TNRC6A: variants seen among roughly 807,000 people sequenced by gnomAD.
The protein encoded by TNRC6A is trinucleotide repeat containing adaptor 6A, also known as trinucleotide repeat-containing gene 6A protein.
A neutral mutation model predicts 221.2 loss-of-function variants in TNRC6A; 44 were observed. The ratio of observed to expected loss-of-function variants is 0.20; its 90% CI spans 0.16 to 0.26. The LOEUF (loss-of-function observed/expected upper bound fraction) is 0.26. Among genes scored for constraint, TNRC6A ranks in the 10% least tolerant of loss-of-function variants. The pLI, the probability that TNRC6A is intolerant of heterozygous loss-of-function variation, is 1.00. For synonymous variants in TNRC6A, 847 were observed against 838.5 expected, an observed-to-expected ratio of 1.01 and a Z score of -0.18; for missense variants, 2,199 against 2,404.4, an observed-to-expected ratio of 0.91 and a Z score of 1.79.
intron 2 of TNRC6A, among the ~76,000 whole-genome samples, chr16:24,745,384 T>C (rs566257497): frequency 6.6e-6 from 1 of 152,126 alleles, no homozygotes; most frequent in South Asian, 2.1e-4. Context: ...AGAAAAGGAA[T>C]GGGGGGTGGC....
In TNRC6A at chr16:24,707,939, A is replaced by G. The variant is rs759115485; in HGVS notation, n.403-42787A>G. 2.6e-5 allele frequency among the ~76,000 whole-genome samples: 4 copies of G among 152,114 alleles called. No homozygotes were observed. The South Asian group carries it at 8.3e-4, about 32-fold the overall frequency. ...CCCGGTGTGATGACACGTGCCTGTA[A>G]TCTCAACTGCTCAGAAGGCTGAGGT... is the stretch of plus-strand genomic sequence containing the variant. On this transcript the variant is annotated intron_variant and non_coding_transcript_variant, in intron 2 of 2. Coordinates refer to the TNRC6A transcript ENST00000566108.
intron 2 of TNRC6A, among the ~76,000 whole-genome samples, chr16:24,713,058 T>C (rs1250271661): frequency 6.6e-6 from 1 of 151,928 alleles, no homozygotes; most frequent in African/African-American, 2.4e-5. Context: ...GGATTACAGG[T>C]GTATGCCACT....
intron 2 of TNRC6A, among the ~76,000 whole-genome samples, chr16:24,646,522 A>G (rs149532864): frequency 7.7e-4 from 118 of 152,374 alleles, no homozygotes; most frequent in African/African-American, 2.6e-3. Flanking sequence ...TATTTATCAT[A>G]CAGTGGGATG....
At chr16:24,805,537 A>G (rs2058412624) in intron 14 of TNRC6A, 68 bp from the exon 15 acceptor site, 3 of 1,578,910 alleles carry the variant, frequency 1.9e-6, no homozygotes, top group East Asian at 4.5e-5. Flanking sequence ...ACAACTGAAA[A>G]CACACAGTAC....
intron 2 of TNRC6A, among the ~76,000 whole-genome samples, chr16:24,707,467 T>C (rs562933751): frequency 7.3e-4 from 111 of 152,098 alleles, no homozygotes; most frequent in Non-Finnish European, 1.4e-3. Context: ...TCAAAATAGC[T>C]GCACAGTATA....
rs752400548 is a variant in TNRC6A at position 24,804,274 on chromosome 16, G to T, written c.3792G>T (p.Gln1264His). 6.2e-7 allele frequency: 1 copy of T among 1,613,540 alleles called. No homozygotes were observed. Among genetic ancestry groups the T allele is most frequent in the Non-Finnish European group, 8.5e-7 (1 of 1,179,908 alleles). Residue 1264 changes from glutamine to histidine, a missense_variant, in exon 12 of 25, where the codon CAG becomes CAT. Physicochemically the swap from Gln to His is conservative, Grantham distance 24. Transcript: ENST00000395799. ...TVGKGPGSRP[Q>H]ISKESSMERN... The stretch of plus-strand genomic sequence containing the variant: ...GGAAAGGCCCTGGTTCTCGGCCTCA[G>T]ATTTCCAAAGAGTCTTCCATGGAGC...
At chr16:24,662,090 C>G (rs1453718307) in intron 2 of TNRC6A, 1 of 152,076 alleles carries the variant, frequency 6.6e-6, no homozygotes, top group Non-Finnish European at 1.5e-5. Context: ...ATACAAAAAT[C>G]TGTGCTCTTT....
chr16:24,633,267 T>TCAGAGAG (rs1457718580), intron 1 of TNRC6A, among the ~76,000 whole-genome samples: 3 of 152,324 alleles, frequency 2.0e-5, no homozygotes, highest in African/African-American at 7.2e-5. Flanking sequence ...TATTATCTCT[T>TCAGAGAG]CAGAGAGGCC....
chr16:24,718,449 A>T (rs898895020), intron 2 of TNRC6A, among the ~76,000 whole-genome samples: 2 of 152,214 alleles, frequency 1.3e-5, no homozygotes, highest in Non-Finnish European at 2.9e-5. Context: ...TGTTAGGTAG[A>T]CATAATAGGA....
At chr16:24,683,618 C>T (rs2055574257) in intron 2 of TNRC6A, among the ~76,000 whole-genome samples, 3 of 152,158 alleles carry the variant, frequency 2.0e-5, no homozygotes, top group South Asian at 2.1e-4. Flanking sequence ...GGTAGAGTGC[C>T]GTGCTAACAG....
chr16:24,634,311 T>C (rs1341926473), intron 1 of TNRC6A, among the ~76,000 whole-genome samples: 2 of 151,948 alleles, frequency 1.3e-5, no homozygotes. Flanking sequence ...ATGCCCGTAG[T>C]CCCAGCTACT....
At chr16:24,653,733 T>TG (rs1249633794) in intron 2 of TNRC6A, among the ~76,000 whole-genome samples, 2 of 150,090 alleles carry the variant, frequency 1.3e-5, no homozygotes, top group African/African-American at 4.9e-5. Flanking sequence ...TGAACAGAGA[T>TG]GGCACCACTG....
At chr16:24,715,910 T>C (rs1279042267) in intron 2 of TNRC6A, among the ~76,000 whole-genome samples, 1 of 152,158 alleles carries the variant, frequency 6.6e-6, no homozygotes, top group Non-Finnish European at 1.5e-5. Flanking sequence ...CATGAGCCAC[T>C]GTGCCTGGCC....
chr16:24,621,718 T>C (rs2141602023), intron 1 of TNRC6A, among the ~76,000 whole-genome samples: 1 of 152,272 alleles, frequency 6.6e-6, no homozygotes. Flanking sequence ...GTGCATTTTT[T>C]CCTGTTACTA....
chr16:24,718,314 G>T (rs1421958000), intron 2 of TNRC6A, among the ~76,000 whole-genome samples: 1 of 152,160 alleles, frequency 6.6e-6, no homozygotes, highest in Non-Finnish European at 1.5e-5. Context: ...ATAGGAGGGG[G>T]CAGGAATGAT....
chr16:24,610,750 C>T (rs944970156), intron 1 of TNRC6A, among the ~76,000 whole-genome samples: 1 of 152,130 alleles, frequency 6.6e-6, no homozygotes, highest in Non-Finnish European at 1.5e-5. Context: ...CTCTCTCTAT[C>T]TTACTCCTCC....
At position 24,790,092 on chromosome 16, in the gene TNRC6A, C is replaced by T. The variant is rs776734425; in HGVS notation, c.1450C>T (p.Arg484Cys). The change falls in exon 6 of 25, where the codon CGT becomes TGT. Residue 484 changes from arginine (R) to cysteine (C), a missense_variant. Around this residue, in one of 8 missense-constraint regions of TNRC6A, gnomAD observed 1,405 missense variants for 1,400.2 expected, o/e 1.00. Transcript: ENST00000395799. ...GCCTAGTAGTAACACAGGGGCCTGGCGTGTGAGCACAATGAATCATCCTCA... is the reference window on the plus strand; with the variant it reads ...GCCTAGTAGTAACACAGGGGCCTGGTGTGTGAGCACAATGAATCATCCTCA... ...ELPSSNTGAW[R>C]VSTMNHPQMQ... is the part of the protein sequence containing the mutation. 9.9e-6 allele frequency: 16 copies of T among 1,614,050 alleles called. No individual in the cohort carries two copies. Among genetic ancestry groups the T allele is most frequent in the South Asian group, 2.2e-5 (2 of 91,086 alleles).
At chr16:24,762,070 C>T (rs1381791037) in intron 4 of TNRC6A, among the ~76,000 whole-genome samples, 2 of 152,016 alleles carry the variant, frequency 1.3e-5, no homozygotes, top group African/African-American at 2.4e-5. Flanking sequence ...TATGGGAAGC[C>T]CGGGGAGATC....
At chr16:24,661,003 A>C (rs1357995583) in intron 2 of TNRC6A, among the ~76,000 whole-genome samples, 1 of 151,702 alleles carries the variant, frequency 6.6e-6, no homozygotes, top group East Asian at 1.9e-4. Flanking sequence ...GGCCTCCCAA[A>C]GTGCTGGGAT....
Sources: gnomAD v4.1 joint callset for allele counts (sites outside exome capture counted in the v4.1 genomes callset) on GRCh38, gnomAD v4.1.1 for gene constraint, gnomAD v4.1.1 regional missense constraint, MANE v1.5 for transcripts, NCBI Gene and HGNC (gene_info 2026-07-23, HGNC 2026-07-21) for gene names.